The following PTK2 variants were observed in gnomAD, a reference collection of about 807,000 sequenced individuals.
PTK2 encodes the protein protein tyrosine kinase 2, also known as focal adhesion kinase 1.
In PTK2, 45 loss-of-function variants were observed where a neutral mutation model predicts 150.1. The observed-to-expected ratio is 0.30, with a 90% CI of 0.24 to 0.38. PTK2 has a LOEUF of 0.38. Among genes scored for constraint, PTK2 ranks in the 10% least tolerant of loss-of-function variants. PTK2 has a pLI of 1.00. For missense variants in PTK2, 919 were observed against 1,307.3 expected (o/e 0.70, Z 4.58); for synonymous variants, 432 against 449.2 (o/e 0.96, Z 0.48).
exon 32 of PTK2, chr8:140,659,496 C>T (rs775523331): frequency 1.9e-6 from 3 of 1,613,126 alleles, no homozygotes; most frequent in Non-Finnish European, 2.5e-6. Flanking sequence ...CAAGCATTTT[C>T]AGTCTTGCTT....
chr8:140,814,273 A>T (rs906328021), intron 10 of PTK2, among the ~76,000 whole-genome samples: 4 of 152,184 alleles, frequency 2.6e-5, no homozygotes, highest in African/African-American at 9.7e-5. Flanking sequence ...CAATAAACTG[A>T]AAAGGAGGGA....
intron 1 of PTK2, among the ~76,000 whole-genome samples, chr8:140,991,738 G>A (rs1172981784): frequency 1.3e-5 from 2 of 152,164 alleles, no homozygotes; most frequent in African/African-American, 2.4e-5. Context: ...GCCAGGCATG[G>A]TGGCTCATGC....
In PTK2 at chr8:140,671,759, C is replaced by CA. The variant is rs35706231; in HGVS notation, c.2709+2538dup. ...AAACCCCGTCTCTACTAAAAATACC[C>CA]AAAAAAAAAAAAAAAAAAAAAAATT... is the stretch of plus-strand genomic sequence containing the variant. On this transcript the variant is annotated intron_variant, in intron 29 of 31. Coordinates refer to ENST00000522684, the Ensembl canonical transcript of PTK2. Among the ~76,000 whole-genome samples, 709 of 94,078 alleles carry CA rather than the reference C, an allele frequency of 7.5e-3. 2 individuals are homozygous for CA. The highest frequency in any genetic ancestry group is 0.014 in the East Asian group (42 of 2,956). The allele number at this position is 94,078 out of a possible 152,430, so 61.7% of individuals were successfully genotyped here. A position where few individuals can be genotyped will look rare whatever the true frequency, so the allele number is the denominator to read the frequency against.
chr8:140,797,501 T>C (rs1475623858), intron 12 of PTK2, among the ~76,000 whole-genome samples: 1 of 152,214 alleles, frequency 6.6e-6, no homozygotes, highest in Non-Finnish European at 1.5e-5. Context: ...TTCTGGAATT[T>C]ATGCCATGCT....
intron 16 of PTK2, among the ~76,000 whole-genome samples, chr8:140,753,146 C>A (rs577903021): frequency 6.6e-6 from 1 of 152,086 alleles, no homozygotes; most frequent in African/African-American, 2.4e-5. Context: ...GGGAGTTCTG[C>A]GGGTGGCTAC....
intron 1 of PTK2, among the ~76,000 whole-genome samples, chr8:140,929,472 G>A (rs1490075099): frequency 1.3e-5 from 2 of 152,144 alleles, no homozygotes; most frequent in Non-Finnish European, 2.9e-5. Flanking sequence ...TTCCAGCCCT[G>A]TACAAGGTGG....
chr8:140,894,469 C>T (rs1017050004), intron 2 of PTK2, among the ~76,000 whole-genome samples: 1 of 152,118 alleles, frequency 6.6e-6, no homozygotes, highest in Admixed American at 6.5e-5. Flanking sequence ...TATTAGGAAA[C>T]ACCTAAATGC....
At chr8:140,770,867 T>C in intron 14 of PTK2, 68 bp from the exon 15 acceptor site, 1 of 763,022 alleles carries the variant, frequency 1.3e-6, no homozygotes, top group Non-Finnish European at 1.8e-6. Flanking sequence ...AAGACAACTT[T>C]TGTTACATTT....
chr8:140,738,569 G>C (rs2100053882), intron 21 of PTK2, among the ~76,000 whole-genome samples: 1 of 152,136 alleles, frequency 6.6e-6, no homozygotes, highest in Non-Finnish European at 1.5e-5. Context: ...TCTTGAGATA[G>C]GTCAGGAAGG....
chr8:140,824,097 G>C (rs1183319985), intron 8 of PTK2, among the ~76,000 whole-genome samples: 2 of 152,174 alleles, frequency 1.3e-5, no homozygotes, highest in Non-Finnish European at 2.9e-5. Context: ...AATTTGGTTT[G>C]ATCCTCATTT....
intron 22 of PTK2, among the ~76,000 whole-genome samples, chr8:140,730,364 C>T (rs972389939): frequency 2.0e-5 from 3 of 152,084 alleles, no homozygotes; most frequent in African/African-American, 7.2e-5. Flanking sequence ...TATAACTACA[C>T]GAATAACATG....
chr8:140,956,065 A>G (rs756959417), intron 1 of PTK2, among the ~76,000 whole-genome samples: 1 of 152,192 alleles, frequency 6.6e-6, no homozygotes, highest in Non-Finnish European at 1.5e-5. Context: ...CGCCCTATGC[A>G]CTTTCCTCTC....
At chr8:140,861,682 A>G (rs1251897746) in intron 5 of PTK2, among the ~76,000 whole-genome samples, 1 of 152,230 alleles carries the variant, frequency 6.6e-6, no homozygotes, top group Non-Finnish European at 1.5e-5. Context: ...TAACAGTCCT[A>G]TACAATAGTT....
intron 29 of PTK2, among the ~76,000 whole-genome samples, chr8:140,670,456 CAAAAAAAAAA>C (rs10558474): frequency 1.9e-3 from 33 of 17,836 alleles, no homozygotes; most frequent in South Asian, 5.9e-3. Flanking sequence ...CACTGTGTCT[CAAAAAAAAAA>C]AAAAAAAAAA....
At chr8:140,672,359 A>G (rs1394594962) in intron 29 of PTK2, among the ~76,000 whole-genome samples, 1 of 152,178 alleles carries the variant, frequency 6.6e-6, no homozygotes, top group African/African-American at 2.4e-5. Flanking sequence ...TATTGAAAGA[A>G]GCCAATATTG....
intron 2 of PTK2, among the ~76,000 whole-genome samples, chr8:140,900,009 A>G (rs1376876257): frequency 6.6e-6 from 1 of 152,188 alleles, no homozygotes; most frequent in Non-Finnish European, 1.5e-5. Context: ...GAGCTGAGGG[A>G]AAATGTGAAG....
chr8:140,877,311 G>A lies in PTK2; in HGVS notation c.362+2160C>T, dbSNP rs142434699. Among the ~76,000 whole-genome samples, 1,431 of 152,272 alleles carry A rather than the reference G, an allele frequency of 9.4e-3. 17 individuals carry two copies. The highest frequency in any genetic ancestry group is 0.015 in the Non-Finnish European group (994 of 68,018). On this transcript the variant is annotated intron_variant, in intron 4 of 31. Transcript: ENST00000522684. Reference sequence around the variant, plus strand: ...AGCCTCTCAAAGTGCTGGGATTGCAGATGTGGGCCACCACACCTAGCCAAC... The same window carrying A: ...AGCCTCTCAAAGTGCTGGGATTGCAAATGTGGGCCACCACACCTAGCCAAC...
intron 1 of PTK2, among the ~76,000 whole-genome samples, chr8:140,995,207 C>A (rs990195097): frequency 2.0e-5 from 3 of 151,456 alleles, no homozygotes; most frequent in African/African-American, 7.3e-5. Flanking sequence ...GATGATGAAA[C>A]CCTGTCTCAA....
intron 29 of PTK2, among the ~76,000 whole-genome samples, chr8:140,673,071 G>A (rs867590323): frequency 4.0e-5 from 6 of 151,776 alleles, no homozygotes; most frequent in East Asian, 1.9e-4. Context: ...GACATTTTTC[G>A]GATTTTAAGA....
Sources: gnomAD v4.1 joint callset for allele counts (sites outside exome capture counted in the v4.1 genomes callset) on GRCh38, gnomAD v4.1.1 for gene constraint, MANE v1.5 for transcripts, NCBI Gene and HGNC (gene_info 2026-07-23, HGNC 2026-07-21) for gene names.